Variants in XPO4 observed in about 807,000 individuals in gnomAD.
XPO4 encodes exportin-4.
XPO4 carries 39 observed loss-of-function variants against 143.0 expected under a neutral mutation model. The observed-to-expected ratio is 0.27, with a 90% CI of 0.21 to 0.36. The LOEUF (loss-of-function observed/expected upper bound fraction) is 0.36, where lower values mean the gene tolerates loss of function less well. Among genes scored for constraint, XPO4 ranks in the 10% least tolerant of loss-of-function variants. The probability of loss-of-function intolerance (pLI) is 1.00; values close to 1 mark genes in which losing one functional copy is unlikely to be tolerated. For synonymous variants in XPO4, 439 were observed against 474.0 expected (o/e 0.93, Z 0.96); for missense variants, 907 against 1,348.0 (o/e 0.67, Z 5.12).
At position 20,809,071 on chromosome 13, in the gene XPO4, G is replaced by A. The variant is rs779584438; in HGVS notation, c.1493+12C>T. On this transcript the variant is annotated intron_variant, in intron 11 of 22. Transcript: ENST00000255305. ...ATATTTGCTCCATGGGGTTTCTTTG[G>A]ACTGTGTGTACCTTGTCAGAAGAGG... The A allele has an allele frequency of 1.2e-6, 2 of 1,609,264 alleles. No individual in the cohort carries two copies. The highest frequency in any genetic ancestry group is 1.7e-6 in the Non-Finnish European group (2 of 1,178,182).
At chr13:20,889,642 C>T (rs1043237347) in intron 1 of XPO4, among the ~76,000 whole-genome samples, 4 of 152,102 alleles carry the variant, frequency 2.6e-5, no homozygotes, top group African/African-American at 9.7e-5. Flanking sequence ...AATCAATGAA[C>T]GAACATACTT....
intron 21 of XPO4, 124 bp downstream of exon 21, chr13:20,787,357 G>A (rs1275244599): frequency 1.1e-6 from 1 of 893,210 alleles, no homozygotes; most frequent in East Asian, 2.5e-5. Flanking sequence ...ACAGTGAACA[G>A]GAAGTCATGG....
intron 7 of XPO4, 104 bp downstream of exon 7, chr13:20,826,963 C>A: frequency 1.3e-6 from 1 of 746,114 alleles, no homozygotes; most frequent in Non-Finnish European, 2.3e-6. Flanking sequence ...GAAGACAAGA[C>A]TTTAGGGGAG....
At chr13:20,827,832 C>T (rs1421357548) in intron 6 of XPO4, among the ~76,000 whole-genome samples, 1 of 152,206 alleles carries the variant, frequency 6.6e-6, no homozygotes, top group African/African-American at 2.4e-5. Context: ...CAATTTCAAA[C>T]ATGCTTCAAA....
At chr13:20,834,739 A>C (rs1242712368) in intron 6 of XPO4, among the ~76,000 whole-genome samples, 3 of 151,966 alleles carry the variant, frequency 2.0e-5, no homozygotes, top group Non-Finnish European at 4.4e-5. Flanking sequence ...CGGGAGGATC[A>C]CTTGAGCCCA....
At chr13:20,839,897 C>A (rs548108556) in intron 6 of XPO4, among the ~76,000 whole-genome samples, 2 of 152,184 alleles carry the variant, frequency 1.3e-5, no homozygotes, top group South Asian at 2.1e-4. Context: ...GCATGAGAAT[C>A]GCTTGAACCC....
chr13:20,896,715 A>AT (rs774792179), intron 1 of XPO4, among the ~76,000 whole-genome samples: 39 of 152,134 alleles, frequency 2.6e-4, no homozygotes, highest in Non-Finnish European at 4.9e-4. Context: ...ACTTATTCCC[A>AT]TTTTTTGTAT....
intron 1 of XPO4, among the ~76,000 whole-genome samples, chr13:20,885,195 C>T (rs2060449971): frequency 6.6e-6 from 1 of 152,204 alleles, no homozygotes; most frequent in African/African-American, 2.4e-5. Flanking sequence ...GGTGATCCGC[C>T]TGCCTTGGCC....
intron 7 of XPO4, among the ~76,000 whole-genome samples, chr13:20,826,411 G>T (rs560825165): frequency 1.7e-4 from 26 of 152,302 alleles, no homozygotes; most frequent in African/African-American, 6.0e-4. Context: ...TTAAAAGCCT[G>T]TCAGGTTGCC....
In XPO4 at chr13:20,848,536, A is replaced by G. The variant is rs1054871570; in HGVS notation, c.457-4650T>C. On this transcript the variant is annotated intron_variant, in intron 4 of 22. Coordinates refer to ENST00000255305, the MANE Select transcript of XPO4 (RefSeq NM_022459.5). ...TAAAGTAGCAGCTGTATTTTTTATCATTATCATAGAAAATGACAACCACCT... is the reference window on the plus strand; with the variant it reads ...TAAAGTAGCAGCTGTATTTTTTATCGTTATCATAGAAAATGACAACCACCT... 1.1e-5 allele frequency: 11 copies of G among 985,268 alleles called. No individual in the cohort carries two copies. The South Asian group carries it at 3.8e-4, about 34-fold the overall frequency. 61.0% of individuals were successfully genotyped at this position (985,268 alleles called of 1,614,324 possible).
chr13:20,790,039 T>C (rs2059259884), intron 19 of XPO4, among the ~76,000 whole-genome samples: 1 of 152,196 alleles, frequency 6.6e-6, no homozygotes, highest in Non-Finnish European at 1.5e-5. Context: ...ATGGTGCCCC[T>C]TGGAAAATGC....
intron 6 of XPO4, among the ~76,000 whole-genome samples, chr13:20,834,778 T>C (rs4399411): frequency 2.4e-3 from 371 of 151,950 alleles, no homozygotes; most frequent in African/African-American, 7.8e-3. Context: ...CTGGGCAACA[T>C]AGTGGGATCC....
chr13:20,850,400 C>T (rs1028011742), intron 4 of XPO4: 2 of 404,894 alleles, frequency 4.9e-6, no homozygotes, highest in African/African-American at 4.3e-5. Context: ...AAGTGTGAAT[C>T]CAAAATCAGT....
chr13:20,863,955 T>C (rs1329298702), intron 2 of XPO4, among the ~76,000 whole-genome samples: 14 of 152,148 alleles, frequency 9.2e-5, no homozygotes. Flanking sequence ...GCTATAAAAA[T>C]GTATGAGAAA....
At chr13:20,887,947 G>A (rs2060476149) in intron 1 of XPO4, among the ~76,000 whole-genome samples, 1 of 152,012 alleles carries the variant, frequency 6.6e-6, no homozygotes, top group Non-Finnish European at 1.5e-5. Flanking sequence ...GGCTGAGACA[G>A]GTGAATCACT....
chr13:20,803,290 TAGTC>T lies in XPO4; in HGVS notation c.1818-2304_1818-2301del, dbSNP rs1044453256. ...TCCACTCACTAGTGACTCAGTCACT[TAGTC>T]AGTGCCACACTGTTTGCAACTGTCC... On this transcript the variant is annotated intron_variant, in intron 13 of 22. Coordinates refer to ENST00000255305, the MANE Select transcript of XPO4 (RefSeq NM_022459.5). This position sits in a 1 kb window ranked among gnomAD's most constrained non-coding sequence, Gnocchi z 4.1. Among the ~76,000 whole-genome samples the T allele has an allele frequency of 5.9e-5, 9 of 152,202 alleles. No homozygotes were observed. Among genetic ancestry groups the T allele is most frequent in the East Asian group, 1.9e-4 (1 of 5,194 alleles).
intron 7 of XPO4, among the ~76,000 whole-genome samples, chr13:20,823,988 T>C (rs2059753066): frequency 6.6e-6 from 1 of 152,194 alleles, no homozygotes; most frequent in African/African-American, 2.4e-5. Context: ...TAAGCTTTAC[T>C]GGAACACCGC....
At chr13:20,848,264 G>A (rs2060047182) in intron 4 of XPO4, 2 of 983,950 alleles carry the variant, frequency 2.0e-6, no homozygotes, top group Admixed American at 1.2e-4. Context: ...ACATTCTGCA[G>A]GACTCTTTCA....
In XPO4 at chr13:20,792,723, C is replaced by CAAA. The variant is rs748612077; in HGVS notation, c.2798-2146_2798-2144dup. The stretch of plus-strand genomic sequence containing the variant: ...GCAACAAAAGTAAAACTCTGTCTCA[C>CAAA]AAAAAAAAAAAAAAAAAAAAGTCAG... On this transcript the variant is annotated intron_variant, in intron 18 of 22. Transcript: ENST00000255305. Among the ~76,000 whole-genome samples the CAAA allele has an allele frequency of 2.6e-3, 256 of 97,856 alleles. 4 individuals carry two copies. Among genetic ancestry groups the CAAA allele is most frequent in the South Asian group, 5.6e-3 (13 of 2,340 alleles). 64.2% of individuals were successfully genotyped at this position (97,856 alleles called of 152,430 possible). A position where few individuals can be genotyped will look rare whatever the true frequency, so the allele number is the denominator to read the frequency against.
Sources: allele counts gnomAD v4.1 joint callset (sites outside exome capture counted in the v4.1 genomes callset), GRCh38; gene constraint gnomAD v4.1.1; non-coding constraint Gnocchi (gnomAD v3.1); transcripts MANE v1.5; gene names NCBI Gene and HGNC (gene_info 2026-07-23, HGNC 2026-07-21).